Variants in PC observed in about 807,000 individuals in gnomAD.
PC encodes pyruvate carboxylase.
PC carries 46 observed loss-of-function variants against 107.8 expected under a neutral mutation model. The ratio of observed to expected loss-of-function variants is 0.43; its 90% CI spans 0.34 to 0.55. The LOEUF (loss-of-function observed/expected upper bound fraction) is 0.55, where lower values mean the gene tolerates loss of function less well. Ranked by LOEUF, PC falls within the 20% of genes least tolerant of loss-of-function variation. The pLI, the probability that PC is intolerant of heterozygous loss-of-function variation, is 0.04. For synonymous variants in PC, 662 were observed against 684.7 expected (o/e 0.97, Z 0.52); for missense variants, 1,241 against 1,643.1 (o/e 0.76, Z 4.23).
intron 3 of PC, among the ~76,000 whole-genome samples, chr11:66,935,252 T>C (rs994506419): frequency 6.6e-6 from 1 of 152,236 alleles, no homozygotes; most frequent in Non-Finnish European, 1.5e-5. Context: ...TTCATTCTGC[T>C]AGATACTGAT....
chr11:66,848,705 G>A lies in PC; in HGVS notation c.*194C>T. ...TTGGCAAGAGATGAACATGTAAGCAGCTGTCCGCCGGAGGAAAGGACGATG... is the reference window on the plus strand; with the variant it reads ...TTGGCAAGAGATGAACATGTAAGCAACTGTCCGCCGGAGGAAAGGACGATG... On this transcript the variant is annotated 3_prime_UTR_variant, in exon 23 of 23. Coordinates refer to ENST00000393960, the MANE Select transcript of PC (RefSeq NM_001040716.2). The A allele has an allele frequency of 5.9e-6, 4 of 673,398 alleles. No individual in the cohort carries two copies. The South Asian group carries it at 7.0e-5, about 12-fold the overall frequency. The allele number at this position is 673,398 out of a possible 1,614,324, so 41.7% of individuals were successfully genotyped here.
chr11:66,957,188 A>G (rs1409223793), intron 1 of PC, among the ~76,000 whole-genome samples: 1 of 152,180 alleles, frequency 6.6e-6, no homozygotes, highest in Non-Finnish European at 1.5e-5. Context: ...TACGGGAGCA[A>G]TAGGGAGGCA....
chr11:66,858,009 G>T lies in PC; in HGVS notation c.1369-4626C>A. The T allele has an allele frequency of 6.2e-7, 1 of 1,612,290 alleles. No homozygotes were observed. The highest frequency in any genetic ancestry group is 1.6e-4 in the Middle Eastern group (1 of 6,062). ...TCGCAATGCCATCACCCGCATTGGG[G>T]CCCGCGCCTTTGGGGACCTCGAGAG... On this transcript the variant is annotated intron_variant, in intron 12 of 22. Transcript: ENST00000393960. This position sits in a 1 kb window ranked among gnomAD's most constrained non-coding sequence, Gnocchi z 5.9.
intron 3 of PC, among the ~76,000 whole-genome samples, chr11:66,902,127 C>T (rs905538235): frequency 3.3e-5 from 5 of 152,298 alleles, no homozygotes; most frequent in African/African-American, 1.2e-4. Flanking sequence ...AAGTAAACAG[C>T]AACCCAGGCA....
chr11:66,890,889 T>C (rs1171873375), intron 3 of PC, among the ~76,000 whole-genome samples: 1 of 152,094 alleles, frequency 6.6e-6, no homozygotes, highest in Non-Finnish European at 1.5e-5. Flanking sequence ...GACAGGTACA[T>C]AGAGTTCATT....
chr11:66,868,812 G>C, intron 10 of PC, 34 bp downstream of exon 10: 1 of 1,541,058 alleles, frequency 6.5e-7, no homozygotes, highest in Non-Finnish European at 9.0e-7. Flanking sequence ...CCTAGAAGCC[G>C]CGCCTCCCGC....
intron 1 of PC, among the ~76,000 whole-genome samples, chr11:66,954,837 G>A (rs542602705): frequency 6.6e-6 from 1 of 152,232 alleles, no homozygotes; most frequent in Non-Finnish European, 1.5e-5. Flanking sequence ...CAGCTACTCA[G>A]GAGGCTGAGG....
intron 3 of PC, 59 bp from the exon 4 acceptor site, chr11:66,872,218 T>C (rs1946766852): frequency 3.9e-6 from 6 of 1,544,690 alleles, no homozygotes. Flanking sequence ...CTCCTCAGAA[T>C]GAGTGAGGGC....
intron 3 of PC, among the ~76,000 whole-genome samples, chr11:66,900,179 T>TTG (rs1277608085): frequency 5.4e-4 from 3 of 5,564 alleles, no homozygotes; most frequent in South Asian, 6.8e-3. Context: ...TCCAACGTTG[T>TTG]TTTTTTTTTT....
chr11:66,858,979 C>A lies in PC; in HGVS notation c.1368+4795G>T, dbSNP rs768571190. The stretch of plus-strand genomic sequence containing the variant: ...GAGTCTGAGCCAGCCGTGCAGGTGA[C>A]GGAGGTGACCGCCACCTCAGGGCTG... On this transcript the variant is annotated intron_variant, in intron 12 of 22. Transcript: ENST00000393960. This position sits in a 1 kb window ranked among gnomAD's most constrained non-coding sequence, Gnocchi z 5.9. 2 of 1,564,844 alleles carry A rather than the reference C, an allele frequency of 1.3e-6. No individual in the cohort carries two copies. Among genetic ancestry groups the A allele is most frequent in the Non-Finnish European group, 1.7e-6 (2 of 1,151,678 alleles).
At chr11:66,863,707 G>C (rs1946371217) in intron 12 of PC, 67 bp downstream of exon 12, 1 of 1,504,612 alleles carries the variant, frequency 6.6e-7, no homozygotes, top group South Asian at 1.2e-5. Context: ...CCTTGGTGGG[G>C]AAGTGAACGG....
chr11:66,913,096 TGTTA>T (rs1470288454), intron 3 of PC, among the ~76,000 whole-genome samples: 4 of 152,068 alleles, frequency 2.6e-5, no homozygotes, highest in Non-Finnish European at 5.9e-5. Context: ...GAGACGAGAC[TGTTA>T]GAACGGCAGC....
At position 66,852,570 on chromosome 11, in the gene PC, A is replaced by G; in HGVS notation, c.1694T>C (p.Leu565Pro). 1 of 1,614,058 alleles carries G rather than the reference A, an allele frequency of 6.2e-7. No homozygotes were observed. The highest frequency in any genetic ancestry group is 8.5e-7 in the Non-Finnish European group (1 of 1,180,026). The stretch of plus-strand genomic sequence containing the variant: ...GGCGTCCCTGAAGGTCGTGTCCATC[A>G]GCAGCAGCCCCGGGTGGTTCCGCAC... ...RAVRNHPGLLLMDTTFRDAHQ... is the reference protein window; with the variant it reads ...RAVRNHPGLLPMDTTFRDAHQ... Residue 565 changes from leucine to proline, a missense_variant, in exon 15 of 23, where the codon CTG becomes CCG. Coordinates refer to ENST00000393960, the MANE Select transcript of PC (RefSeq NM_001040716.2). This position sits in a 1 kb window ranked among gnomAD's most constrained non-coding sequence, Gnocchi z 4.7.
At chr11:66,949,222 G>A (rs1179168326) in intron 3 of PC, among the ~76,000 whole-genome samples, 2 of 151,294 alleles carry the variant, frequency 1.3e-5, no homozygotes, top group Non-Finnish European at 2.9e-5. Flanking sequence ...TCAATCTCTT[G>A]ACCTCGTGAT....
At chr11:66,950,028 A>G (rs137881705) in intron 3 of PC, among the ~76,000 whole-genome samples, 3 of 152,278 alleles carry the variant, frequency 2.0e-5, no homozygotes, top group Non-Finnish European at 2.9e-5. Flanking sequence ...TATTTTCCAG[A>G]ATAAATAATA....
At chr11:66,912,551 G>A (rs559388881) in intron 3 of PC, among the ~76,000 whole-genome samples, 32 of 152,310 alleles carry the variant, frequency 2.1e-4, no homozygotes, top group African/African-American at 7.5e-4. Flanking sequence ...ACTGACAGCC[G>A]TAAAGGGTGG....
Position 66,858,181 on chromosome 11 carries a change from G to A in PC, c.1369-4798C>T. 6.2e-7 allele frequency: 1 copy of A among 1,611,724 alleles called. No individual in the cohort carries two copies. Among genetic ancestry groups the A allele is most frequent in the Non-Finnish European group, 8.5e-7 (1 of 1,179,356 alleles). On this transcript the variant is annotated intron_variant, in intron 12 of 22. Transcript: ENST00000393960. This position sits in a 1 kb window ranked among gnomAD's most constrained non-coding sequence, Gnocchi z 5.9. ...GGAGCCTTCGACGACTTCCTAGAGA[G>A]CCTGGAGGACCTGGACCTGTCCTAC... is the stretch of plus-strand genomic sequence containing the variant.
intron 3 of PC, among the ~76,000 whole-genome samples, chr11:66,886,818 A>G (rs1226403933): frequency 1.3e-5 from 2 of 152,186 alleles, no homozygotes; most frequent in Non-Finnish European, 2.9e-5. Flanking sequence ...TCCTGTGTAA[A>G]GAGTTCTGAG....
At chr11:66,890,988 T>C (rs1000497116) in intron 3 of PC, among the ~76,000 whole-genome samples, 7 of 152,138 alleles carry the variant, frequency 4.6e-5, no homozygotes, top group African/African-American at 1.7e-4. Context: ...ATAGAAAATG[T>C]GCAAAAATTT....
Sources: gnomAD v4.1 joint callset for allele counts (sites outside exome capture counted in the v4.1 genomes callset) on GRCh38, gnomAD v4.1.1 for gene constraint, Gnocchi (gnomAD v3.1) non-coding constraint, MANE v1.5 for transcripts, NCBI Gene and HGNC (gene_info 2026-07-23, HGNC 2026-07-21) for gene names.